Variants in FBRSL1 observed in about 807,000 individuals in gnomAD.
The protein encoded by FBRSL1 is fibrosin like 1.
A neutral mutation model predicts 89.6 loss-of-function variants in FBRSL1; 51 were observed. The ratio of observed to expected loss-of-function variants is 0.57; its 90% confidence interval spans 0.45 to 0.72. The LOEUF (loss-of-function observed/expected upper bound fraction) is 0.72. Ranked by LOEUF, FBRSL1 falls within the 30% of genes least tolerant of loss-of-function variation. The pLI is 0.00. For missense variants in FBRSL1, 1,618 were observed against 1,451.8 expected (o/e 1.11, Z -1.86); for synonymous variants, 779 against 681.1 (o/e 1.14, Z -2.24).
Position 132,504,340 on chromosome 12 carries a change from G to A in FBRSL1, c.292-3813G>A, listed in dbSNP as rs61952073. ...TTAGGAATGTTATTGGTGCTGTATG[G>A]TAATGACATTAAGAGAGCCAAAAGC... is the stretch of plus-strand genomic sequence containing the variant. On this transcript the variant is annotated intron_variant, in intron 1 of 18. Coordinates refer to ENST00000680143, the MANE Select transcript of FBRSL1 (RefSeq NM_001367871.1). Among the ~76,000 whole-genome samples, 1,080 of 152,340 alleles carry A rather than the reference G, an allele frequency of 7.1e-3. 4 individuals are homozygous for A. Among genetic ancestry groups the A allele is most frequent in the Non-Finnish European group, 0.01 (711 of 68,034 alleles).
In FBRSL1 at chr12:132,583,814, A is replaced by C; in HGVS notation, c.*36A>C. The C allele has an allele frequency of 8.8e-7, 1 of 1,136,270 alleles. No individual in the cohort carries two copies. Among genetic ancestry groups the C allele is most frequent in the Non-Finnish European group, 1.1e-6 (1 of 911,476 alleles). 70.4% of individuals were successfully genotyped at this position (1,136,270 alleles called of 1,614,324 possible). On this transcript the variant is annotated 3_prime_UTR_variant, in exon 19 of 19. Coordinates refer to ENST00000680143, the MANE Select transcript of FBRSL1 (RefSeq NM_001367871.1). The stretch of plus-strand genomic sequence containing the variant: ...GCAGACGCCTCTCCGAGCGGAGCGC[A>C]CCGCTGTCCGTCTCTCCATCAGTTC...
chr12:132,544,589 G>GT (rs888767630), intron 4 of FBRSL1, among the ~76,000 whole-genome samples: 1 of 152,136 alleles, frequency 6.6e-6, no homozygotes, highest in African/African-American at 2.4e-5. Flanking sequence ...TGACCTGATG[G>GT]TAACGACAGT....
chr12:132,564,504 T>TTTTTTTTTTG lies in FBRSL1; in HGVS notation c.646-2976_646-2967dup. Among the ~76,000 whole-genome samples the TTTTTTTTTTG allele has an allele frequency of 4.2e-5, 4 of 96,008 alleles. No homozygotes were observed. In the Middle Eastern group the frequency reaches 0.019, roughly 444 times the overall value. 63.0% of individuals were successfully genotyped at this position (96,008 alleles called of 152,430 possible). ...GGCCCCTGCCCTCGCCCTCCAAGGT[T>TTTTTTTTTTG]TTTTTTTTTGAGACGGAGTCTCGCT... On this transcript the variant is annotated intron_variant, in intron 5 of 18. Transcript: ENST00000680143.
intron 4 of FBRSL1, among the ~76,000 whole-genome samples, chr12:132,533,689 A>G (rs958420925): frequency 6.6e-6 from 1 of 152,230 alleles, no homozygotes. Context: ...CTGTCCGTCC[A>G]TGCCACAGTG....
At chr12:132,514,020 C>G (rs868114995) in intron 2 of FBRSL1, among the ~76,000 whole-genome samples, 18 of 152,342 alleles carry the variant, frequency 1.2e-4, no homozygotes, top group African/African-American at 3.8e-4. Context: ...GTCCCTCCCC[C>G]AGGCCCTGCC....
chr12:132,520,099 ACCCTCCTTGCACACCTCCAGCACC>A (rs2035212708), intron 2 of FBRSL1, among the ~76,000 whole-genome samples: 1 of 114,644 alleles, frequency 8.7e-6, no homozygotes, highest in South Asian at 3.0e-4. Context: ...CCTCCAGCAC[ACCCTCCTTGCACACCTCCAGCACC>A]CCCTCCTTGC....
chr12:132,575,108 G>A (rs1189871623), intron 14 of FBRSL1, among the ~76,000 whole-genome samples: 1 of 152,146 alleles, frequency 6.6e-6, no homozygotes, highest in African/African-American at 2.4e-5. Flanking sequence ...TCAGCCCCGT[G>A]GGACCCTGCA....
intron 4 of FBRSL1, among the ~76,000 whole-genome samples, chr12:132,533,977 G>A (rs1307584628): frequency 2.0e-5 from 3 of 152,202 alleles, no homozygotes; most frequent in African/African-American, 7.2e-5. Flanking sequence ...TGCCACTGTG[G>A]GAGAGAACAG....
chr12:132,549,751 C>T (rs1354288073), intron 5 of FBRSL1, among the ~76,000 whole-genome samples: 5 of 152,168 alleles, frequency 3.3e-5, no homozygotes, highest in East Asian at 1.9e-4. Context: ...CATAACTGCA[C>T]GCCCCCCATG....
intron 6 of FBRSL1, among the ~76,000 whole-genome samples, chr12:132,567,848 C>T (rs1186231200): frequency 6.6e-6 from 1 of 152,208 alleles, no homozygotes; most frequent in Non-Finnish European, 1.5e-5. Context: ...CCACCTGCCA[C>T]GAGCACCACA....
At position 132,567,619 on chromosome 12, in the gene FBRSL1, G is replaced by C. The variant is rs2039718923; in HGVS notation, c.691+93G>C. The stretch of plus-strand genomic sequence containing the variant: ...GCAGGACATCCCCCTGAAGTCAGGG[G>C]AGAGATGGTCTTGGCACCTGGGGTG... On this transcript the variant is annotated intron_variant, in intron 6 of 18. Transcript: ENST00000680143. 1.7e-5 allele frequency: 23 copies of C among 1,344,318 alleles called. No individual in the cohort carries two copies. In the East Asian group the frequency reaches 5.8e-4, roughly 34 times the overall value. 83.3% of individuals were successfully genotyped at this position (1,344,318 alleles called of 1,614,324 possible).
At chr12:132,500,464 C>G (rs1037547343) in intron 1 of FBRSL1, among the ~76,000 whole-genome samples, 2 of 152,260 alleles carry the variant, frequency 1.3e-5, no homozygotes, top group East Asian at 1.9e-4. Flanking sequence ...CTCATGGGGC[C>G]GGCCTCTCTG....
chr12:132,544,344 C>G (rs954530187), intron 4 of FBRSL1, among the ~76,000 whole-genome samples: 1 of 152,088 alleles, frequency 6.6e-6, no homozygotes, highest in Non-Finnish European at 1.5e-5. Flanking sequence ...GAGCTCAGGA[C>G]AAGCAGAGAA....
intron 5 of FBRSL1, among the ~76,000 whole-genome samples, chr12:132,549,742 A>G (rs971350288): frequency 1.3e-5 from 2 of 152,104 alleles, no homozygotes; most frequent in African/African-American, 4.8e-5. Flanking sequence ...AGCCGCCCCC[A>G]TAACTGCACG....
chr12:132,513,737 G>A (rs1011353595), intron 2 of FBRSL1, among the ~76,000 whole-genome samples: 8 of 152,280 alleles, frequency 5.3e-5, no homozygotes, highest in East Asian at 1.9e-4. Context: ...AGGGGAGGTC[G>A]GGGTGGATTC....
intron 15 of FBRSL1, 187 bp from the exon 16 acceptor site, chr12:132,581,249 ACCT>A (rs140655645): frequency 0.14 from 138,061 of 985,010 alleles, 10,434 homozygotes; most frequent in African/African-American, 0.29. Context: ...TCCAAGTCAA[ACCT>A]CCTCCGAATT....
At chr12:132,536,121 G>A (rs749076920) in intron 4 of FBRSL1, among the ~76,000 whole-genome samples, 125 of 149,590 alleles carry the variant, frequency 8.4e-4, no homozygotes, top group Non-Finnish European at 1.6e-3. Flanking sequence ...ACATGACAGT[G>A]TGCCATGTGT....
intron 1 of FBRSL1, among the ~76,000 whole-genome samples, chr12:132,504,332 G>T (rs2033405084): frequency 6.6e-6 from 1 of 152,234 alleles, no homozygotes; most frequent in South Asian, 2.1e-4. Context: ...TGTTATTGGT[G>T]CTGTATGGTA....
At chr12:132,538,627 G>A (rs1193191409) in intron 4 of FBRSL1, among the ~76,000 whole-genome samples, 3 of 152,246 alleles carry the variant, frequency 2.0e-5, no homozygotes, top group African/African-American at 7.2e-5. Context: ...GGCACTGTGG[G>A]GAGGGTGCAC....
Sources: allele counts gnomAD v4.1 joint callset (sites outside exome capture counted in the v4.1 genomes callset), GRCh38; gene constraint gnomAD v4.1.1; transcripts MANE v1.5; gene names NCBI Gene and HGNC (gene_info 2026-07-23, HGNC 2026-07-21).